The following NKAPD1 variants were observed in gnomAD, a reference collection of about 807,000 sequenced individuals.
The protein encoded by NKAPD1 is uncharacterized protein NKAPD1.
A neutral mutation model predicts 30.9 loss-of-function variants in NKAPD1; 12 were observed. The observed-to-expected ratio is 0.39, with a 90% CI of 0.25 to 0.63. The LOEUF (loss-of-function observed/expected upper bound fraction) is 0.63. Ranked by LOEUF, NKAPD1 falls within the 20% of genes least tolerant of loss-of-function variation. NKAPD1 has a pLI of 0.51. For synonymous variants in NKAPD1, 91 were observed against 113.6 expected, an observed-to-expected ratio of 0.80 and a Z score of 1.26; for missense variants, 311 against 344.5, an observed-to-expected ratio of 0.90 and a Z score of 0.77.
chr11:112,084,518 C>G lies in NKAPD1; in HGVS notation c.*1546C>G, dbSNP rs567111887. On this transcript the variant is annotated 3_prime_UTR_variant, in exon 6 of 6. Coordinates refer to ENST00000393047, the MANE Select transcript of NKAPD1 (RefSeq NM_018195.4). ...TTTTATTTTTGGGATTAGTGGGGGTCTAAAGGGAGAAGAATAGTCTCTAAT... is the reference window on the plus strand; with the variant it reads ...TTTTATTTTTGGGATTAGTGGGGGTGTAAAGGGAGAAGAATAGTCTCTAAT... 2.6e-5 allele frequency: 4 copies of G among 152,640 alleles called. No homozygotes were observed. The South Asian group carries it at 8.3e-4, about 32-fold the overall frequency. 9.5% of individuals were successfully genotyped at this position (152,640 alleles called of 1,614,324 possible). A position where few individuals can be genotyped will look rare whatever the true frequency, so the allele number is the denominator to read the frequency against.
intron 3 of NKAPD1, 83 bp from the exon 4 acceptor site, chr11:112,080,326 C>G (rs1566673903): frequency 3.1e-6 from 4 of 1,306,866 alleles, no homozygotes; most frequent in Non-Finnish European, 4.3e-6. Context: ...TCAGCTTGTT[C>G]CATGAGTTTT....
Position 112,078,197 on chromosome 11 carries a change from C to T in NKAPD1, c.70-18C>T, listed in dbSNP as rs761495375. 11 of 1,545,622 alleles carry T rather than the reference C, an allele frequency of 7.1e-6. No individual in the cohort carries two copies. The African/African-American group carries it at 9.8e-5, about 14-fold the overall frequency. On this transcript the variant is annotated intron_variant, in intron 2 of 5. Coordinates refer to ENST00000393047, the MANE Select transcript of NKAPD1 (RefSeq NM_018195.4). The stretch of plus-strand genomic sequence containing the variant: ...TATTTTTAGTAACTTATTTTTATTT[C>T]CTTTTTAAAAATTCTAGATTCAGGA...
At position 112,082,965 on chromosome 11, in the gene NKAPD1, A is replaced by T; in HGVS notation, c.875A>T (p.Asp292Val). Reference sequence around the variant, plus strand: ...GAAAGGTCTGCTGAGAGCTCAGAGGATGACTAAATGGGAAACACTTTTGTT... The same window carrying T: ...GAAAGGTCTGCTGAGAGCTCAGAGGTTGACTAAATGGGAAACACTTTTGTT... ...TDERSAESSE[D>V]D The change falls in exon 6 of 6, where the codon GAT becomes GTT. Residue 292 changes from aspartate (D) to valine (V), a missense_variant. Asp to Val is a radical substitution (Grantham distance 152). Transcript: ENST00000393047. The T allele has an allele frequency of 6.3e-7, 1 of 1,586,628 alleles. No individual in the cohort carries two copies. Among genetic ancestry groups the T allele is most frequent in the Non-Finnish European group, 8.5e-7 (1 of 1,172,216 alleles).
Position 112,080,497 on chromosome 11 carries a change from T to C in NKAPD1, c.259T>C (p.Phe87Leu). Reference protein sequence around the residue: ...NEISGTLEDDFLKAKSWNKKF... With the variant: ...NEISGTLEDDLLKAKSWNKKF... ...AATTTCTGGGACACTGGAAGATGAT[T>C]TTCTTAAGGCTAAATCCTGGAATAA... Residue 87 changes from phenylalanine (F) to leucine (L), a missense_variant, in exon 4 of 6, where the codon TTT becomes CTT. Transcript: ENST00000393047. 1 of 1,614,096 alleles carries C rather than the reference T, an allele frequency of 6.2e-7. No homozygotes were observed. The highest frequency in any genetic ancestry group is 8.5e-7 in the Non-Finnish European group (1 of 1,180,020).
chr11:112,074,563 T>C lies in NKAPD1; in HGVS notation c.-362T>C, dbSNP rs1490523865. ...CGAAGGCCGTAGCCATCCAAAGCGT[T>C]CCCAGCCTTTCTGGGGAGTGAAACT... On this transcript the variant is annotated 5_prime_UTR_variant, in exon 1 of 6. Coordinates refer to ENST00000393047, the MANE Select transcript of NKAPD1 (RefSeq NM_018195.4). The C allele has an allele frequency of 2.5e-6, 1 of 398,854 alleles. No homozygotes were observed. The highest frequency in any genetic ancestry group is 2.1e-5 in the African/African-American group (1 of 48,776). 24.7% of individuals were successfully genotyped at this position (398,854 alleles called of 1,614,324 possible).
intron 2 of NKAPD1, 95 bp downstream of exon 2, chr11:112,075,738 T>A (rs1160243263): frequency 2.3e-6 from 3 of 1,314,208 alleles, no homozygotes; most frequent in Non-Finnish European, 3.2e-6. Flanking sequence ...CAAAGAATAT[T>A]CTTGTCATCT....
Position 112,083,243 on chromosome 11 carries a change from A to G in NKAPD1, c.*271A>G. Reference sequence around the variant, plus strand: ...TACGTTTAGTGTAGAGTGCATATACAGCAAATTAAAGGACCCAGAAAGCTG... The same window carrying G: ...TACGTTTAGTGTAGAGTGCATATACGGCAAATTAAAGGACCCAGAAAGCTG... On this transcript the variant is annotated 3_prime_UTR_variant, in exon 6 of 6. Coordinates refer to ENST00000393047, the MANE Select transcript of NKAPD1 (RefSeq NM_018195.4). 1 of 261,356 alleles carries G rather than the reference A, an allele frequency of 3.8e-6. No homozygotes were observed. The highest frequency in any genetic ancestry group is 7.3e-6 in the Non-Finnish European group (1 of 137,536). 16.2% of individuals were successfully genotyped at this position (261,356 alleles called of 1,614,324 possible).
rs529012116 is a variant in NKAPD1 at position 112,074,592 on chromosome 11, C to T, written c.-333C>T. 443 of 398,354 alleles carry T rather than the reference C, an allele frequency of 1.1e-3. No homozygotes were observed. Among genetic ancestry groups the T allele is most frequent in the Non-Finnish European group, 1.5e-3 (334 of 225,888 alleles). The allele number at this position is 398,354 out of a possible 1,614,324, so 24.7% of individuals were successfully genotyped here. ...AGCCTTTCTGGGGAGTGAAACTTAC[C>T]CCCGGGGTTCGTCCTAGAGGAGCGT... On this transcript the variant is annotated 5_prime_UTR_variant, in exon 1 of 6. Transcript: ENST00000393047.
chr11:112,082,025 GA>G lies in NKAPD1; in HGVS notation c.367del (p.Thr123GlnfsTer19). ...TAAAGAGTTATACCCTGAAGAATTT[GA>G]AACAGACAGGTAAGGAAAATAGGCT... ...GYKELYPEEF[E>X]TDSSDQQDIT... On this transcript the variant is annotated frameshift_variant, in exon 5 of 6. Coordinates refer to ENST00000393047, the MANE Select transcript of NKAPD1 (RefSeq NM_018195.4). LOFTEE classifies it high-confidence loss of function. 6.2e-7 allele frequency: 1 copy of G among 1,611,074 alleles called. No homozygotes were observed. The highest frequency in any genetic ancestry group is 8.5e-7 in the Non-Finnish European group (1 of 1,177,604).
chr11:112,080,182 A>G (rs1394128175), intron 3 of NKAPD1, among the ~76,000 whole-genome samples: 1 of 152,086 alleles, frequency 6.6e-6, no homozygotes, highest in Non-Finnish European at 1.5e-5. Flanking sequence ...TGCTGGGATT[A>G]CAGGCATGAG....
intron 5 of NKAPD1, 122 bp from the exon 6 acceptor site, chr11:112,082,343 C>A: frequency 2.4e-6 from 2 of 842,364 alleles, no homozygotes; most frequent in South Asian, 2.3e-5. Flanking sequence ...TTAAAGTATA[C>A]ATTAAAGTGC....
Position 112,082,946 on chromosome 11 carries a change from TCTG to T in NKAPD1, c.860_862del (p.Ala287del). On this transcript the variant is annotated inframe_deletion, in exon 6 of 6. Transcript: ENST00000393047. ...TTGGAAAGTAGCTACAGATGAAAGG[TCTG>T]CTGAGAGCTCAGAGGATGACTAAAT... is the stretch of plus-strand genomic sequence containing the variant. 1 of 1,602,440 alleles carries T rather than the reference TCTG, an allele frequency of 6.2e-7. No individual in the cohort carries two copies. The highest frequency in any genetic ancestry group is 8.5e-7 in the Non-Finnish European group (1 of 1,177,240).
At chr11:112,076,458 A>T (rs944000761) in intron 2 of NKAPD1, among the ~76,000 whole-genome samples, 1 of 152,186 alleles carries the variant, frequency 6.6e-6, no homozygotes, top group African/African-American at 2.4e-5. Context: ...CCCTTGAACA[A>T]TGCAGGGGCT....
rs542349863 is a variant in NKAPD1 at position 112,083,783 on chromosome 11, C to T, written c.*811C>T. ...ATGTTGTCTAATGGTACTCTGGATT[C>T]AGGGCAGCAACTGCCATTTAAATGT... is the stretch of plus-strand genomic sequence containing the variant. On this transcript the variant is annotated 3_prime_UTR_variant, in exon 6 of 6. Transcript: ENST00000393047. 1 of 152,708 alleles carries T rather than the reference C, an allele frequency of 6.5e-6. No individual in the cohort carries two copies. Among genetic ancestry groups the T allele is most frequent in the East Asian group, 1.9e-4 (1 of 5,180 alleles). 9.5% of individuals were successfully genotyped at this position (152,708 alleles called of 1,614,324 possible). A position where few individuals can be genotyped will look rare whatever the true frequency, so the allele number is the denominator to read the frequency against.
Position 112,074,836 on chromosome 11 carries a change from C to T in NKAPD1, c.-89C>T. Reference sequence around the variant, plus strand: ...CTGCCTTTGAGCCCTGACTCCTTGGCTTCCTGGGTCGGAGGAGATCTTGTA... The same window carrying T: ...CTGCCTTTGAGCCCTGACTCCTTGGTTTCCTGGGTCGGAGGAGATCTTGTA... On this transcript the variant is annotated 5_prime_UTR_variant, in exon 1 of 6. Transcript: ENST00000393047. The T allele has an allele frequency of 4.4e-6, 1 of 226,864 alleles. No individual in the cohort carries two copies. Among genetic ancestry groups the T allele is most frequent in the Non-Finnish European group, 8.6e-6 (1 of 116,794 alleles). 14.1% of individuals were successfully genotyped at this position (226,864 alleles called of 1,614,324 possible).
At chr11:112,080,933 A>T (rs550611255) in intron 4 of NKAPD1, 135 of 187,098 alleles carry the variant, frequency 7.2e-4, no homozygotes, top group African/African-American at 3.1e-3. Context: ...GTGGTAGGCA[A>T]TTCCATAGAG....
chr11:112,079,806 CTTTTTTTCTTTTT>C (rs933074080), intron 3 of NKAPD1, among the ~76,000 whole-genome samples: 2 of 151,068 alleles, frequency 1.3e-5, no homozygotes, highest in African/African-American at 4.9e-5. Context: ...AGATTTTTTT[CTTTTTTTCTTTTT>C]TTTTTTTCCT....
intron 2 of NKAPD1, among the ~76,000 whole-genome samples, chr11:112,076,871 A>G (rs1865340978): frequency 2.0e-5 from 3 of 152,210 alleles, no homozygotes; most frequent in African/African-American, 7.2e-5. Flanking sequence ...AAATGGGACA[A>G]TTATGATAGG....
At chr11:112,075,008 G>A (rs1865283713) in intron 1 of NKAPD1, 92 bp downstream of exon 1, 1 of 154,998 alleles carries the variant, frequency 6.5e-6, no homozygotes, top group Admixed American at 6.5e-5. Flanking sequence ...TCCGTAGCAA[G>A]TAGGAAATAA....
Sources: allele counts gnomAD v4.1 joint callset (sites outside exome capture counted in the v4.1 genomes callset), GRCh38; gene constraint gnomAD v4.1.1; transcripts MANE v1.5; gene names NCBI Gene and HGNC (gene_info 2026-07-23, HGNC 2026-07-21).